The following SNTA1 variants were observed in gnomAD, a reference collection of about 807,000 sequenced individuals.
The protein encoded by SNTA1 is alpha-1-syntrophin.
In SNTA1, 31 loss-of-function variants were observed where a neutral mutation model predicts 47.1. The ratio of observed to expected loss-of-function variants is 0.66; its 90% CI spans 0.49 to 0.89. The LOEUF (loss-of-function observed/expected upper bound fraction) is 0.89, where lower values mean the gene tolerates loss of function less well. Among genes scored for constraint, SNTA1 ranks in the 40% least tolerant of loss-of-function variants. The pLI, the probability that SNTA1 is intolerant of heterozygous loss-of-function variation, is 0.00. For missense variants in SNTA1, 575 were observed against 693.0 expected, an observed-to-expected ratio of 0.83 and a Z score of 1.91; for synonymous variants, 300 against 313.6, an observed-to-expected ratio of 0.96 and a Z score of 0.46.
intron 1 of SNTA1, among the ~76,000 whole-genome samples, chr20:33,440,624 C>G (rs1431823256): frequency 6.6e-6 from 1 of 151,970 alleles, no homozygotes. Flanking sequence ...CCAGCATGGG[C>G]GACAGAACAA....
chr20:33,409,770 A>G (rs1989692690), intron 6 of SNTA1, among the ~76,000 whole-genome samples: 1 of 152,046 alleles, frequency 6.6e-6, no homozygotes, highest in Admixed American at 6.6e-5. Context: ...AGCTAGGACT[A>G]CAGGCGCCCA....
chr20:33,433,953 G>T lies in SNTA1; in HGVS notation c.496+4888C>A, dbSNP rs575266712. On this transcript the variant is annotated intron_variant, in intron 2 of 7. Transcript: ENST00000217381. The stretch of plus-strand genomic sequence containing the variant: ...AGGCTCTAGCTGACACCTGGAGTTT[G>T]CTGGTAATGCTTGTTCTCCCAGGAC... Among the ~76,000 whole-genome samples the T allele has an allele frequency of 2.6e-5, 4 of 152,316 alleles. No individual in the cohort carries two copies. The South Asian group carries it at 8.3e-4, about 32-fold the overall frequency.
intron 1 of SNTA1, among the ~76,000 whole-genome samples, chr20:33,441,405 A>T (rs968655308): frequency 9.2e-5 from 14 of 152,278 alleles, no homozygotes; most frequent in Admixed American, 6.6e-4. Context: ...AGTGGCCCAG[A>T]GTGGGAGGTC....
chr20:33,416,072 C>T lies in SNTA1; in HGVS notation c.701+1647G>A, dbSNP rs138618715. Among the ~76,000 whole-genome samples the T allele has an allele frequency of 7.6e-3, 1,160 of 152,230 alleles. 10 individuals are homozygous for T. The highest frequency in any genetic ancestry group is 0.026 in the African/African-American group (1,098 of 41,532). On this transcript the variant is annotated intron_variant, in intron 3 of 7. Coordinates refer to ENST00000217381, the MANE Select transcript of SNTA1 (RefSeq NM_003098.3). Reference sequence around the variant, plus strand: ...GCAGTGAGCCAAGATTACACCACTGCACTCCAGCCTGGGCAACAGAGCGAT... The same window carrying T: ...GCAGTGAGCCAAGATTACACCACTGTACTCCAGCCTGGGCAACAGAGCGAT...
chr20:33,438,273 C>A (rs1477439410), intron 2 of SNTA1, among the ~76,000 whole-genome samples: 1 of 152,030 alleles, frequency 6.6e-6, no homozygotes, highest in South Asian at 2.1e-4. Flanking sequence ...GTATTCCAGC[C>A]TGGACAACAG....
chr20:33,421,759 C>T (rs542969407), intron 2 of SNTA1, among the ~76,000 whole-genome samples: 9 of 151,342 alleles, frequency 5.9e-5, no homozygotes, highest in African/African-American at 2.2e-4. Flanking sequence ...AGTTCAAGAC[C>T]AGGTTGGGCA....
chr20:33,443,719 C>A lies in SNTA1; in HGVS notation c.-99G>T. The stretch of plus-strand genomic sequence containing the variant: ...AGGGCAGAGGGCAGCGGGGGCCCGG[C>A]TGGGCCAGCCGCCACCCTACCCCGG... On this transcript the variant is annotated 5_prime_UTR_variant, in exon 1 of 8. Coordinates refer to ENST00000217381, the MANE Select transcript of SNTA1 (RefSeq NM_003098.3). 2.7e-6 allele frequency: 2 copies of A among 747,856 alleles called. No homozygotes were observed. The highest frequency in any genetic ancestry group is 3.4e-6 in the Non-Finnish European group (2 of 582,376). 46.3% of individuals were successfully genotyped at this position (747,856 alleles called of 1,614,324 possible).
chr20:33,438,854 C>T lies in SNTA1; in HGVS notation c.483G>A (p.Glu161=). The change falls in exon 2 of 8, where the codon GAG becomes GAA. Residue 161 remains glutamate, a synonymous_variant. Transcript: ENST00000217381. ...AVQVLKKTGK[E]VVLEVKYMKD... ...GTCAGTGCTTACCCTCCAGCACCAC[C>T]TCCTTGCCTGTCTTCTTGAGGACCT... 1 of 1,613,932 alleles carries T rather than the reference C, an allele frequency of 6.2e-7. No individual in the cohort carries two copies. Among genetic ancestry groups the T allele is most frequent in the Non-Finnish European group, 8.5e-7 (1 of 1,179,976 alleles).
Position 33,443,599 on chromosome 20 carries a change from G to T in SNTA1, c.22C>A (p.Pro8Thr). ...CGCAGCTCCAGCAGCCCGGTGCGCG[G>T]GGCGCGCCTGCCGGACGCCATCTTC... is the stretch of plus-strand genomic sequence containing the variant. MASGRRA[P>T]RTGLLELRAG... Residue 8 changes from proline to threonine, a missense_variant, in exon 1 of 8, where the codon CCG (proline) becomes ACG (threonine). Physicochemically the swap from Pro to Thr is conservative, Grantham distance 38. Coordinates refer to ENST00000217381, the MANE Select transcript of SNTA1 (RefSeq NM_003098.3). The T allele has an allele frequency of 8.1e-7, 1 of 1,236,714 alleles. No individual in the cohort carries two copies. Among genetic ancestry groups the T allele is most frequent in the Non-Finnish European group, 1.0e-6 (1 of 989,424 alleles). 76.6% of individuals were successfully genotyped at this position (1,236,714 alleles called of 1,614,324 possible).
At chr20:33,420,331 C>T (rs929866751) in intron 2 of SNTA1, among the ~76,000 whole-genome samples, 2 of 152,138 alleles carry the variant, frequency 1.3e-5, no homozygotes, top group African/African-American at 4.8e-5. Context: ...TTAATCTTCC[C>T]TGGAGCCATG....
intron 3 of SNTA1, among the ~76,000 whole-genome samples, chr20:33,416,602 C>T (rs942727534): frequency 2.0e-5 from 3 of 152,070 alleles, no homozygotes; most frequent in African/African-American, 7.2e-5. Flanking sequence ...GTCAGCAGTG[C>T]GAAACCAGCG....
chr20:33,409,721 C>T lies in SNTA1; in HGVS notation c.1237+414G>A, dbSNP rs563572028. ...CAATCTGGGCCCACTACAACCTCCA[C>T]CTCCCAGATTCAAACAATTCTGCCT... On this transcript the variant is annotated intron_variant, in intron 6 of 7. Transcript: ENST00000217381. Among the ~76,000 whole-genome samples the T allele has an allele frequency of 1.4e-4, 21 of 152,168 alleles. No homozygotes were observed. The East Asian group carries it at 3.9e-3, about 28-fold the overall frequency.
Position 33,408,899 on chromosome 20 carries a change from G to T in SNTA1, c.1238-11C>A. The T allele has an allele frequency of 6.2e-7, 1 of 1,613,036 alleles. No individual in the cohort carries two copies. Among genetic ancestry groups the T allele is most frequent in the Non-Finnish European group, 8.5e-7 (1 of 1,179,524 alleles). Reference sequence around the variant, plus strand: ...CATTCCACGTGCAGGCTGCAGGGAGGGCACATAGGTACAGGCACAGCTGGC... The same window carrying T: ...CATTCCACGTGCAGGCTGCAGGGAGTGCACATAGGTACAGGCACAGCTGGC... On this transcript the variant is annotated splice_polypyrimidine_tract_variant and intron_variant, in intron 6 of 7. Transcript: ENST00000217381.
Position 33,443,615 on chromosome 20 carries a change from C to T in SNTA1, c.6G>A (p.Ala2=). M[A]SGRRAPRTGL... is the part of the protein sequence containing the mutation. ...CGGTGCGCGGGGCGCGCCTGCCGGA[C>T]GCCATCTTCGCCTCCGAGCCCCCGG... The change falls in exon 1 of 8, where the codon GCG becomes GCA. Residue 2 remains alanine, a synonymous_variant. Transcript: ENST00000217381. 8.2e-7 allele frequency: 1 copy of T among 1,220,706 alleles called. No individual in the cohort carries two copies. The highest frequency in any genetic ancestry group is 2.9e-5 in the South Asian group (1 of 34,914). The allele number at this position is 1,220,706 out of a possible 1,614,324, so 75.6% of individuals were successfully genotyped here.
intron 3 of SNTA1, among the ~76,000 whole-genome samples, chr20:33,416,046 C>T (rs1249133143): frequency 6.6e-6 from 1 of 151,818 alleles, no homozygotes; most frequent in Non-Finnish European, 1.5e-5. Flanking sequence ...AGAAGGGGAC[C>T]GCAGTGAGCC....
In SNTA1 at chr20:33,428,816, G is replaced by A. The variant is rs147920440; in HGVS notation, c.496+10025C>T. On this transcript the variant is annotated intron_variant, in intron 2 of 7. Transcript: ENST00000217381. ...AGCAGTCTGGGAGGCCGAGGCAGGT[G>A]GATTGCTTGAGGTCAGGAGTTCAAA... is the stretch of plus-strand genomic sequence containing the variant. Among the ~76,000 whole-genome samples the A allele has an allele frequency of 6.8e-3, 1,039 of 152,048 alleles. 12 individuals are homozygous for A. Among genetic ancestry groups the A allele is most frequent in the African/African-American group, 0.024 (991 of 41,504 alleles).
At chr20:33,423,872 G>C (rs1990093167) in intron 2 of SNTA1, among the ~76,000 whole-genome samples, 1 of 152,150 alleles carries the variant, frequency 6.6e-6, no homozygotes, top group African/African-American at 2.4e-5. Context: ...TGTTCAGTGG[G>C]TGGTCATTTA....
intron 2 of SNTA1, among the ~76,000 whole-genome samples, chr20:33,438,299 C>T (rs76809063): frequency 6.8e-5 from 10 of 147,754 alleles, no homozygotes; most frequent in Non-Finnish European, 1.2e-4. Context: ...GATTCCATCT[C>T]AAAAAAAAAA....
intron 2 of SNTA1, among the ~76,000 whole-genome samples, chr20:33,429,537 C>T (rs890210666): frequency 3.3e-5 from 5 of 149,444 alleles, no homozygotes; most frequent in African/African-American, 1.2e-4. Context: ...GGCTGAGGCA[C>T]GAGAATCGCT....
Sources: gnomAD v4.1 joint callset for allele counts (sites outside exome capture counted in the v4.1 genomes callset) on GRCh38, gnomAD v4.1.1 for gene constraint, MANE v1.5 for transcripts, NCBI Gene and HGNC (gene_info 2026-07-23, HGNC 2026-07-21) for gene names.